OR51E2: variants seen among roughly 807,000 people sequenced by gnomAD.
OR51E2 encodes the protein olfactory receptor 51E2.
Under a neutral mutation model 13.7 loss-of-function variants are expected in OR51E2, and 14 were observed. That is an observed-to-expected ratio of 1.02 (90% CI 0.68 to 1.60). The LOEUF (loss-of-function observed/expected upper bound fraction) is 1.60. OR51E2 is among the 40% of genes most tolerant of loss of function. The pLI is 0.00. For missense variants in OR51E2, 483 were observed against 413.8 expected (o/e 1.17, Z -1.45); for synonymous variants, 180 against 157.6 (o/e 1.14, Z -1.07).
intron 1 of OR51E2, among the ~76,000 whole-genome samples, chr11:4,688,654 C>G (rs181048573): frequency 6.6e-6 from 1 of 152,164 alleles, no homozygotes; most frequent in East Asian, 1.9e-4. Context: ...GACTGTAAAG[C>G]AAACGTGGAT....
In OR51E2 at chr11:4,683,396, C is replaced by CT. The variant is rs1217424415; in HGVS notation, c.-50-636dup. Among the ~76,000 whole-genome samples the CT allele has an allele frequency of 5.3e-5, 8 of 152,084 alleles. No homozygotes were observed. The East Asian group carries it at 5.8e-4, about 11-fold the overall frequency. ...AGGAATAAGAAGCACAGCAATGACA[C>CT]TTTTTTTTAAAGCTTAAAAGAATAT... On this transcript the variant is annotated intron_variant, in intron 1 of 1. Coordinates refer to ENST00000396950, the MANE Select transcript of OR51E2 (RefSeq NM_030774.4).
intron 1 of OR51E2, among the ~76,000 whole-genome samples, chr11:4,687,356 T>C (rs775829118): frequency 6.6e-6 from 1 of 152,156 alleles, no homozygotes; most frequent in African/African-American, 2.4e-5. Flanking sequence ...CCTACATTCA[T>C]TCACTAGACA....
intron 1 of OR51E2, among the ~76,000 whole-genome samples, chr11:4,686,231 T>C (rs1847514285): frequency 6.6e-6 from 1 of 152,160 alleles, no homozygotes; most frequent in Non-Finnish European, 1.5e-5. Context: ...CCACAGATTT[T>C]TATAGGAACT....
Position 4,681,896 on chromosome 11 carries a change from A to G in OR51E2, c.816T>C (p.Arg272=), listed in dbSNP as rs781674097. 3.7e-6 allele frequency: 6 copies of G among 1,614,216 alleles called. No individual in the cohort carries two copies. The highest frequency in any genetic ancestry group is 4.2e-6 in the Non-Finnish European group (5 of 1,180,038). The change falls in exon 2 of 2, where the codon CGT becomes CGC. Residue 272 remains arginine (R), a synonymous_variant. Coordinates refer to ENST00000396950, the MANE Select transcript of OR51E2 (RefSeq NM_030774.4). ...RFGNSLHPIV[R]VVMGDIYLLL... ...GCAGGTAGATGTCACCCATGACAAC[A>G]CGCACAATGGGATGAAGGCTGTTTC...
rs764785951 is a variant in OR51E2 at position 4,681,928 on chromosome 11, G to T, written c.784C>A (p.Arg262Ser). 2 of 1,614,060 alleles carry T rather than the reference G, an allele frequency of 1.2e-6. No individual in the cohort carries two copies. The highest frequency in any genetic ancestry group is 2.2e-5 in the South Asian group (2 of 91,080). The change falls in exon 2 of 2, where the codon CGC becomes AGC. Residue 262 changes from arginine (R) to serine (S), a missense_variant. By Grantham distance (110) the Arg-to-Ser change is moderately radical. Coordinates refer to ENST00000396950, the MANE Select transcript of OR51E2 (RefSeq NM_030774.4). ...VPLIGLSVVHRFGNSLHPIVR... is the reference protein window; with the variant it reads ...VPLIGLSVVHSFGNSLHPIVR... ...ATGGGATGAAGGCTGTTTCCAAAGCGGTGTACCACTGAGAGGCCAATAAGT... is the reference window on the plus strand; with the variant it reads ...ATGGGATGAAGGCTGTTTCCAAAGCTGTGTACCACTGAGAGGCCAATAAGT...
In OR51E2 at chr11:4,682,527, A is replaced by G; in HGVS notation, c.185T>C (p.Leu62Pro). The change falls in exon 2 of 2, where the codon CTC becomes CCC. Residue 62 changes from leucine (L) to proline (P), a missense_variant. By Grantham distance (98) the Leu-to-Pro change is moderately conservative (BLOSUM62 -3). Transcript: ENST00000396950. Reference sequence around the variant, plus strand: ...CAGGTCAATGGCTGCAAGCATGCAGAGAAAGAGGTACATCGGAGCGTGCAG... The same window carrying G: ...CAGGTCAATGGCTGCAAGCATGCAGGGAAAGAGGTACATCGGAGCGTGCAG... ...RSLHAPMYLF[L>P]CMLAAIDLAL... The G allele has an allele frequency of 6.2e-7, 1 of 1,614,248 alleles. No homozygotes were observed. The highest frequency in any genetic ancestry group is 1.1e-5 in the South Asian group (1 of 91,086).
At chr11:4,692,726 A>G (rs1192600172) in intron 1 of OR51E2, among the ~76,000 whole-genome samples, 2 of 152,058 alleles carry the variant, frequency 1.3e-5, no homozygotes, top group Non-Finnish European at 2.9e-5. Context: ...AGGAAAAGAA[A>G]GGGTGCTGGG....
At chr11:4,689,481 G>A (rs1024055016) in intron 1 of OR51E2, among the ~76,000 whole-genome samples, 1 of 152,144 alleles carries the variant, frequency 6.6e-6, no homozygotes, top group Non-Finnish European at 1.5e-5. Flanking sequence ...TCTCCATAAA[G>A]CGAGGGGGCA....
chr11:4,693,575 G>T (rs960073163), intron 1 of OR51E2, among the ~76,000 whole-genome samples: 1 of 152,112 alleles, frequency 6.6e-6, no homozygotes, highest in African/African-American at 2.4e-5. Context: ...CAAAAAATTA[G>T]CCGGGCGTGG....
At chr11:4,692,728 G>T (rs1038191243) in intron 1 of OR51E2, among the ~76,000 whole-genome samples, 2 of 151,966 alleles carry the variant, frequency 1.3e-5, no homozygotes, top group Non-Finnish European at 2.9e-5. Flanking sequence ...GAAAAGAAAG[G>T]GTGCTGGGTG....
Position 4,682,648 on chromosome 11 carries a change from C to A in OR51E2, c.64G>T (p.Ala22Ser), listed in dbSNP as rs1847470984. The change falls in exon 2 of 2, where the codon GCC becomes TCC. Residue 22 changes from alanine (A) to serine (S), a missense_variant. By Grantham distance (99) the Ala-to-Ser change is moderately conservative. Transcript: ENST00000396950. ...AGGGGGAAGCCAACCCAGAAATGGGCTTTCTCTAATCCTGGGATACCAATA... is the reference window on the plus strand; with the variant it reads ...AGGGGGAAGCCAACCCAGAAATGGGATTTCTCTAATCCTGGGATACCAATA... ...VLIGIPGLEK[A>S]HFWVGFPLLS... The A allele has an allele frequency of 1.9e-6, 3 of 1,614,076 alleles. No individual in the cohort carries two copies. The highest frequency in any genetic ancestry group is 2.5e-6 in the Non-Finnish European group (3 of 1,180,044).
intron 1 of OR51E2, chr11:4,690,408 G>A (rs1000537923): frequency 6.5e-6 from 1 of 154,898 alleles, no homozygotes; most frequent in African/African-American, 2.4e-5. Context: ...TTTCTGTAAT[G>A]TGTCATTCTA....
At chr11:4,696,879 A>G (rs1390756591) in intron 1 of OR51E2, among the ~76,000 whole-genome samples, 1 of 152,178 alleles carries the variant, frequency 6.6e-6, no homozygotes, top group Non-Finnish European at 1.5e-5. Flanking sequence ...TGGTATGGCT[A>G]TCATGTGTGA....
intron 1 of OR51E2, chr11:4,685,860 C>A (rs117398292): frequency 2.6e-5 from 4 of 152,230 alleles, no homozygotes; most frequent in Admixed American, 2.6e-4. Context: ...GTGTCCCCTA[C>A]GTCATACCCA....
At chr11:4,691,358 T>C (rs1847576861) in intron 1 of OR51E2, 1 of 457,852 alleles carries the variant, frequency 2.2e-6, no homozygotes, top group Middle Eastern at 3.2e-4. Context: ...CCAACAGCAC[T>C]GAGGATTCCA....
At chr11:4,683,231 C>T (rs1054088156) in intron 1 of OR51E2, among the ~76,000 whole-genome samples, 12 of 152,096 alleles carry the variant, frequency 7.9e-5, no homozygotes, top group African/African-American at 2.9e-4. Flanking sequence ...GGCATGATCA[C>T]AGAGGAATCT....
intron 1 of OR51E2, chr11:4,685,864 A>G (rs1847509202): frequency 6.6e-6 from 1 of 152,222 alleles, no homozygotes; most frequent in South Asian, 2.1e-4. Context: ...CCCCTACGTC[A>G]TACCCAGCAG....
In OR51E2 at chr11:4,681,611, A is replaced by G. The variant is rs1847451286; in HGVS notation, c.*138T>C. On this transcript the variant is annotated 3_prime_UTR_variant, in exon 2 of 2. Coordinates refer to ENST00000396950, the MANE Select transcript of OR51E2 (RefSeq NM_030774.4). ...TATTCCACATAATAGTCCTTTAGGT[A>G]GATGTACCATACTTTAGTTTACTAT... 3.6e-5 allele frequency: 31 copies of G among 851,452 alleles called. No individual in the cohort carries two copies. In the South Asian group the frequency reaches 5.3e-4, roughly 14 times the overall value. The allele number at this position is 851,452 out of a possible 1,614,324, so 52.7% of individuals were successfully genotyped here. A position where few individuals can be genotyped will look rare whatever the true frequency, so the allele number is the denominator to read the frequency against.
chr11:4,689,904 T>C (rs944208086), intron 1 of OR51E2, among the ~76,000 whole-genome samples: 1 of 151,112 alleles, frequency 6.6e-6, no homozygotes, highest in Non-Finnish European at 1.5e-5. Context: ...TGGTTTTTTT[T>C]AATTAATTTT....
Sources: gnomAD v4.1 joint callset for allele counts (sites outside exome capture counted in the v4.1 genomes callset) on GRCh38, gnomAD v4.1.1 for gene constraint, MANE v1.5 for transcripts, NCBI Gene and HGNC (gene_info 2026-07-23, HGNC 2026-07-21) for gene names.